NPIPB2: variants seen among roughly 807,000 people sequenced by gnomAD.
The protein encoded by NPIPB2 is nuclear pore complex interacting protein family member B2.
Under a neutral mutation model 30.8 loss-of-function variants are expected in NPIPB2, and 27 were observed. That is an observed-to-expected ratio of 0.88 (90% CI 0.65 to 1.21). The LOEUF (loss-of-function observed/expected upper bound fraction) is 1.21, where lower values mean the gene tolerates loss of function less well. NPIPB2 is among the 50% of genes most tolerant of loss of function. The probability of loss-of-function intolerance (pLI) is 0.00; values close to 1 mark genes in which losing one functional copy is unlikely to be tolerated. For missense variants in NPIPB2, 440 were observed against 446.2 expected, an observed-to-expected ratio of 0.99 and a Z score of 0.13; for synonymous variants, 147 against 162.0, an observed-to-expected ratio of 0.91 and a Z score of 0.70.
In NPIPB2 at chr16:11,971,233, CAT is replaced by C. The variant is rs1325557239; in HGVS notation, c.-584+5333_-584+5334del. ...TAAAGAAAAGGGTCAAACTCTAAAA[CAT>C]GTGAAGAGATTTATTCTGAACCAAA... On this transcript the variant is annotated intron_variant, in intron 1 of 5. Transcript: ENST00000538896. Among the ~76,000 whole-genome samples, 7 of 152,242 alleles carry C rather than the reference CAT, an allele frequency of 4.6e-5. No homozygotes were observed. In the South Asian group the frequency reaches 8.3e-4, roughly 18 times the overall value.
chr16:11,957,519 C>T (rs2055121763), intron 1 of NPIPB2, among the ~76,000 whole-genome samples: 1 of 151,942 alleles, frequency 6.6e-6, no homozygotes, highest in Non-Finnish European at 1.5e-5. Flanking sequence ...GTCTTGAACT[C>T]CTAACCTCAA....
upstream of NPIPB2, among the ~76,000 whole-genome samples, chr16:11,945,682 A>C (rs540556453): frequency 2.6e-4 from 40 of 152,086 alleles, no homozygotes; most frequent in South Asian, 3.9e-3. Context: ...TGTCTTAAAA[A>C]AAAAACAAAA....
chr16:11,952,185 A>AC (rs1250595717), intron 1 of NPIPB2, among the ~76,000 whole-genome samples: 12 of 148,622 alleles, frequency 8.1e-5, no homozygotes, highest in African/African-American at 3.0e-4. Context: ...CAAAAAAAAA[A>AC]ACAAAGAAAA....
chr16:11,947,910 C>G (rs1038410392), intron 1 of NPIPB2, among the ~76,000 whole-genome samples: 6 of 150,162 alleles, frequency 4.0e-5, no homozygotes, highest in Non-Finnish European at 8.9e-5. Flanking sequence ...GGGTAGGGAC[C>G]ATTACCTAAT....
intron 1 of NPIPB2, among the ~76,000 whole-genome samples, chr16:11,940,682 C>T (rs1277432321): frequency 6.9e-6 from 1 of 145,110 alleles, no homozygotes; most frequent in Non-Finnish European, 1.5e-5. Flanking sequence ...ATTGCTTGAA[C>T]CCCGGAAGCG....
chr16:11,967,680 G>A, intron 1 of NPIPB2: 3 of 1,614,182 alleles, frequency 1.9e-6, no homozygotes, highest in Non-Finnish European at 2.5e-6. Flanking sequence ...CACCTGTGAA[G>A]ACTGCATCAA....
intron 1 of NPIPB2, among the ~76,000 whole-genome samples, chr16:11,961,884 G>A (rs192735109): frequency 6.6e-6 from 1 of 151,856 alleles, no homozygotes; most frequent in African/African-American, 2.4e-5. Context: ...GACATAAACA[G>A]AGGCTCTATT....
chr16:11,959,278 T>C (rs426424), intron 1 of NPIPB2, among the ~76,000 whole-genome samples: 150,044 of 152,202 alleles, frequency 0.99, 73,997 homozygotes, highest in East Asian at 1. Flanking sequence ...AAAAAAAATC[T>C]TTGTTTCAAA....
chr16:11,951,695 T>C (rs1482809157), intron 1 of NPIPB2, among the ~76,000 whole-genome samples: 1 of 136,424 alleles, frequency 7.3e-6, no homozygotes, highest in East Asian at 2.2e-4. Context: ...AAATTCAGAG[T>C]ATGTCAAAGG....
chr16:11,952,905 T>C (rs2055080676), intron 1 of NPIPB2, among the ~76,000 whole-genome samples: 1 of 152,050 alleles, frequency 6.6e-6, no homozygotes, highest in Non-Finnish European at 1.5e-5. Flanking sequence ...AAAAATCTAC[T>C]TCAATGTTTA....
intron 1 of NPIPB2, among the ~76,000 whole-genome samples, chr16:11,957,803 C>T (rs1247031090): frequency 1.3e-5 from 2 of 152,284 alleles, no homozygotes; most frequent in Non-Finnish European, 2.9e-5. Flanking sequence ...AACATCCACT[C>T]TTACGTGGAT....
intron 1 of NPIPB2, among the ~76,000 whole-genome samples, chr16:11,970,125 G>C (rs935298572): frequency 6.6e-6 from 1 of 152,094 alleles, no homozygotes; most frequent in African/African-American, 2.4e-5. Flanking sequence ...GAGACAGGCA[G>C]ATCACCTGAG....
intron 1 of NPIPB2, among the ~76,000 whole-genome samples, chr16:11,955,447 C>T (rs1200834646): frequency 9.3e-5 from 14 of 150,920 alleles, no homozygotes; most frequent in Non-Finnish European, 2.9e-5. Flanking sequence ...TGGTGGCTCA[C>T]GCCTGTAATC....
At chr16:11,941,304 AGGGGGAGGGAAG>A in intron 1 of NPIPB2, 1 of 1,132,128 alleles carries the variant, frequency 8.8e-7, no homozygotes, top group Non-Finnish European at 1.2e-6. Context: ...GGCTTAGGGC[AGGGGGAGGGAAG>A]GGGACAGGGA....
intron 2 of NPIPB2, among the ~76,000 whole-genome samples, chr16:11,934,857 CAAAA>C (rs200493261): frequency 2.0e-5 from 2 of 97,638 alleles, no homozygotes. Flanking sequence ...GACTCTGTCT[CAAAA>C]AAAAAAAAAA....
At chr16:11,975,172 G>A (rs1364579699) in intron 1 of NPIPB2, among the ~76,000 whole-genome samples, 1 of 26,672 alleles carries the variant, frequency 3.7e-5, no homozygotes, top group African/African-American at 1.4e-4. Context: ...TTTTGAGACG[G>A]AGTCTCGCTC....
intron 4 of NPIPB2, among the ~76,000 whole-genome samples, chr16:11,932,494 T>TG: frequency 6.6e-6 from 1 of 151,810 alleles, no homozygotes; most frequent in East Asian, 1.9e-4. Flanking sequence ...ATGCAAAAAT[T>TG]GGGCTGGGAA....
chr16:11,938,803 C>A (rs574908576), intron 1 of NPIPB2, among the ~76,000 whole-genome samples: 1 of 152,284 alleles, frequency 6.6e-6, no homozygotes, highest in South Asian at 2.1e-4. Context: ...GGCTAGATTG[C>A]AGTGGCATGA....
intron 1 of NPIPB2, among the ~76,000 whole-genome samples, chr16:11,964,755 G>A (rs1339700489): frequency 1.3e-5 from 2 of 152,106 alleles, no homozygotes; most frequent in Non-Finnish European, 2.9e-5. Flanking sequence ...TAAAGTCAGG[G>A]TTTCGCCATG....
Sources: gnomAD v4.1 joint callset for allele counts (sites outside exome capture counted in the v4.1 genomes callset) on GRCh38, gnomAD v4.1.1 for gene constraint, MANE v1.5 for transcripts, NCBI Gene and HGNC (gene_info 2026-07-23, HGNC 2026-07-21) for gene names.